CREB5: variants seen among roughly 807,000 people sequenced by gnomAD.
CREB5 encodes the protein cyclic AMP-responsive element-binding protein 5.
CREB5 carries 19 observed loss-of-function variants against 57.1 expected under a neutral mutation model. That is an observed-to-expected ratio of 0.33 (90% CI 0.23 to 0.49). The LOEUF (loss-of-function observed/expected upper bound fraction) is 0.49, where lower values mean the gene tolerates loss of function less well. CREB5 is among the 20% of genes least tolerant of loss of function. CREB5 has a pLI of 0.99. For missense variants in CREB5, 579 were observed against 671.6 expected, an observed-to-expected ratio of 0.86 and a Z score of 1.52; for synonymous variants, 238 against 238.3, an observed-to-expected ratio of 1.00 and a Z score of 0.01.
intron 7 of CREB5, among the ~76,000 whole-genome samples, chr7:28,776,481 T>A (rs34276478): frequency 0.25 from 38,486 of 152,184 alleles, 5,667 homozygotes; most frequent in Non-Finnish European, 0.34. Flanking sequence ...TGCTTTTTAT[T>A]TGGAGGAACA....
chr7:28,348,859 C>T (rs560375276), intron 1 of CREB5, among the ~76,000 whole-genome samples: 1 of 152,336 alleles, frequency 6.6e-6, no homozygotes, highest in South Asian at 2.1e-4. Flanking sequence ...GCCTCTCAGG[C>T]CTGGCTCACC....
At position 28,560,877 on chromosome 7, in the gene CREB5, T is replaced by TGCGTGCGTGTGC. The variant is rs1795130387; in HGVS notation, c.292-9479_292-9478insTGCGCGTGCGTG. On this transcript the variant is annotated intron_variant, in intron 4 of 10. Coordinates refer to ENST00000357727, the MANE Select transcript of CREB5 (RefSeq NM_182898.4). Reference sequence around the variant, plus strand: ...GTGTGTGCGTGTGCCTGCGTGCGCGTGCGTGCGTGCGTGTGTGTGCGTGCG... The same window carrying TGCGTGCGTGTGC: ...GTGTGTGCGTGTGCCTGCGTGCGCGTGCGTGCGTGTGCGCGTGCGTGCGTGTGTGTGCGTGCG... Among the ~76,000 whole-genome samples, 14 of 30,864 alleles carry TGCGTGCGTGTGC rather than the reference T, an allele frequency of 4.5e-4. 1 individual carries two copies. Among genetic ancestry groups the TGCGTGCGTGTGC allele is most frequent in the Admixed American group, 1.1e-3 (3 of 2,634 alleles). 20.2% of individuals were successfully genotyped at this position (30,864 alleles called of 152,430 possible).
At chr7:28,701,866 A>G (rs1416776275) in intron 5 of CREB5, among the ~76,000 whole-genome samples, 1 of 152,240 alleles carries the variant, frequency 6.6e-6, no homozygotes. Flanking sequence ...CAAATAATAA[A>G]AAGAGAAATA....
chr7:28,460,333 CAT>C (rs1289956759), intron 1 of CREB5, among the ~76,000 whole-genome samples: 1 of 152,192 alleles, frequency 6.6e-6, no homozygotes, highest in African/African-American at 2.4e-5. Context: ...TTGCTTTACA[CAT>C]GTCATTTTAT....
chr7:28,450,521 T>G (rs1214512252), intron 1 of CREB5, among the ~76,000 whole-genome samples: 1 of 152,210 alleles, frequency 6.6e-6, no homozygotes, highest in Non-Finnish European at 1.5e-5. Context: ...ATGCCCAACA[T>G]AGATTTAGAA....
At chr7:28,512,607 A>G (rs959588171) in intron 4 of CREB5, among the ~76,000 whole-genome samples, 2 of 152,122 alleles carry the variant, frequency 1.3e-5, no homozygotes, top group Non-Finnish European at 2.9e-5. Context: ...ATTGCATAAT[A>G]CACATCTAGG....
At chr7:28,753,851 T>C (rs887553431) in intron 7 of CREB5, among the ~76,000 whole-genome samples, 1 of 152,028 alleles carries the variant, frequency 6.6e-6, no homozygotes, top group African/African-American at 2.4e-5. Flanking sequence ...AGAAAATACA[T>C]AGGATGTAAG....
At chr7:28,625,485 A>G (rs1259422243) in intron 5 of CREB5, among the ~76,000 whole-genome samples, 1 of 152,202 alleles carries the variant, frequency 6.6e-6, no homozygotes, top group Non-Finnish European at 1.5e-5. Flanking sequence ...GAGTTGACTT[A>G]TATAGTCAAA....
intron 4 of CREB5, among the ~76,000 whole-genome samples, chr7:28,520,914 C>G (rs1396132378): frequency 1.3e-5 from 2 of 152,226 alleles, no homozygotes; most frequent in Non-Finnish European, 2.9e-5. Flanking sequence ...CCTATTAGAA[C>G]CATATGCTGA....
intron 1 of CREB5, among the ~76,000 whole-genome samples, chr7:28,306,555 G>GTTTTTTTTTTTTT (rs869277871): frequency 1.2e-3 from 67 of 58,092 alleles, no homozygotes; most frequent in South Asian, 3.0e-3. Flanking sequence ...TGTTTTTTTT[G>GTTTTTTTTTTTTT]TTTTTTTTTT....
chr7:28,491,284 G>A, intron 2 of CREB5: 18 of 983,734 alleles, frequency 1.8e-5, no homozygotes, highest in Non-Finnish European at 2.1e-5. Context: ...TGGTTTACAC[G>A]GCTAATCCCC....
intron 4 of CREB5, among the ~76,000 whole-genome samples, chr7:28,550,864 A>C (rs540639883): frequency 3.3e-5 from 5 of 152,346 alleles, no homozygotes; most frequent in African/African-American, 1.2e-4. Flanking sequence ...AAGATTTTAT[A>C]ATCTAAAGCA....
intron 1 of CREB5, among the ~76,000 whole-genome samples, chr7:28,304,387 A>G (rs546332847): frequency 1.3e-5 from 2 of 152,318 alleles, no homozygotes; most frequent in African/African-American, 2.4e-5. Context: ...CTTCACAAGT[A>G]AGCAATTTCC....
At chr7:28,625,391 A>G (rs1797961240) in intron 5 of CREB5, among the ~76,000 whole-genome samples, 1 of 152,156 alleles carries the variant, frequency 6.6e-6, no homozygotes, top group Non-Finnish European at 1.5e-5. Flanking sequence ...AGGACAAGAG[A>G]GTTGTTCTCT....
intron 6 of CREB5, among the ~76,000 whole-genome samples, chr7:28,719,787 C>T (rs1049217237): frequency 9.2e-5 from 14 of 152,130 alleles, no homozygotes; most frequent in South Asian, 4.1e-4. Flanking sequence ...TAAGGCCAGG[C>T]GTGGTGGCTC....
At chr7:28,482,425 T>C (rs996890592) in intron 1 of CREB5, among the ~76,000 whole-genome samples, 3 of 152,202 alleles carry the variant, frequency 2.0e-5, no homozygotes, top group African/African-American at 7.2e-5. Context: ...AAATTGGCCA[T>C]GGCCTTAACT....
intron 1 of CREB5, among the ~76,000 whole-genome samples, chr7:28,334,719 T>C (rs567658249): frequency 2.6e-5 from 4 of 152,198 alleles, no homozygotes; most frequent in Non-Finnish European, 4.4e-5. Context: ...CATTTGTCCA[T>C]TTGTCCATGT....
At chr7:28,684,134 A>G (rs960998190) in intron 5 of CREB5, among the ~76,000 whole-genome samples, 2 of 152,196 alleles carry the variant, frequency 1.3e-5, no homozygotes, top group African/African-American at 4.8e-5. Flanking sequence ...AAAGGCTTGT[A>G]GAAGTTATTG....
In CREB5 at chr7:28,300,091, T is replaced by C. The variant is rs1048359060; in HGVS notation, c.-25+650T>C. Among the ~76,000 whole-genome samples the C allele has an allele frequency of 2.8e-4, 41 of 148,730 alleles. No homozygotes were observed. In the South Asian group the frequency reaches 6.1e-3, roughly 22 times the overall value. On this transcript the variant is annotated intron_variant, in intron 1 of 9. Transcript: ENST00000396299. ...ATTTATTTATTTATTTATTTATTTA[T>C]TTATTTATTACTACCTTAGGTGTTT... is the stretch of plus-strand genomic sequence containing the variant.
Sources: gnomAD v4.1 joint callset for allele counts (sites outside exome capture counted in the v4.1 genomes callset) on GRCh38, gnomAD v4.1.1 for gene constraint, MANE v1.5 for transcripts, NCBI Gene and HGNC (gene_info 2026-07-23, HGNC 2026-07-21) for gene names.